TMEM42: variants seen among roughly 807,000 people sequenced by gnomAD.
TMEM42 encodes transmembrane protein 42.
Under a neutral mutation model 14.0 loss-of-function variants are expected in TMEM42, and 8 were observed. The ratio of observed to expected loss-of-function variants is 0.57; its 90% CI spans 0.34 to 1.03. TMEM42 has a LOEUF of 1.03. Ranked by LOEUF, TMEM42 falls within the 50% of genes least tolerant of loss-of-function variation. TMEM42 has a pLI of 0.03. For missense variants in TMEM42, 211 were observed against 219.8 expected (o/e 0.96, Z 0.25); for synonymous variants, 115 against 94.3 (o/e 1.22, Z -1.27).
chr3:44,865,028 T>A lies in TMEM42; in HGVS notation c.340-12T>A, dbSNP rs200958031. On this transcript the variant is annotated splice_polypyrimidine_tract_variant and intron_variant, in intron 2 of 2. Transcript: ENST00000302392. ...TGAAGTTGAGTCCCTCACAGCTATC[T>A]TTGTCTCGCAGGCCTTCCTGGGCTA... 6.2e-7 allele frequency: 1 copy of A among 1,613,922 alleles called. No individual in the cohort carries two copies. Among genetic ancestry groups the A allele is most frequent in the South Asian group, 1.1e-5 (1 of 91,082 alleles).
In TMEM42 at chr3:44,862,068, G is replaced by A; in HGVS notation, c.144G>A (p.Ala48=). The change falls in exon 1 of 3, where the codon GCG becomes GCA. Residue 48 remains alanine, a synonymous_variant. Coordinates refer to ENST00000302392, the MANE Select transcript of TMEM42 (RefSeq NM_144638.3). The part of the protein sequence containing the change: ...WGVFNCLCAG[A]FGALAAASAK... ...TATTCAACTGTCTGTGCGCCGGCGC[G>A]TTCGGGGCCCTGGCCGCCGCCTCCG... The A allele has an allele frequency of 7.6e-7, 1 of 1,314,350 alleles. No homozygotes were observed. The highest frequency in any genetic ancestry group is 2.5e-5 in the South Asian group (1 of 39,496). 81.4% of individuals were successfully genotyped at this position (1,314,350 alleles called of 1,614,324 possible).
chr3:44,863,612 T>C (rs1699288248), intron 1 of TMEM42: 1 of 152,726 alleles, frequency 6.5e-6, no homozygotes. Context: ...TGCCCCTGGC[T>C]CTTTATCTGT....
chr3:44,864,474 C>T, intron 2 of TMEM42, 131 bp downstream of exon 2: 1 of 1,096,582 alleles, frequency 9.1e-7, no homozygotes, highest in Non-Finnish European at 1.3e-6. Flanking sequence ...GTGGCTTGAC[C>T]CCTGGATGAG....
Position 44,864,289 on chromosome 3 carries a change from C to G in TMEM42, c.285C>G (p.Ser95=). The change falls in exon 2 of 3, where the codon TCC becomes TCG. Residue 95 remains serine (S), a synonymous_variant. Coordinates refer to ENST00000302392, the MANE Select transcript of TMEM42 (RefSeq NM_144638.3). ...TCTTTAGCCGGGGCCTCAGTTTCTC[C>G]ATGTCTTCAGCCATTGCATCTGTCA... The part of the protein sequence containing the change: ...WTFFSRGLSF[S]MSSAIASVTV... The G allele has an allele frequency of 6.2e-7, 1 of 1,614,214 alleles. No homozygotes were observed. The highest frequency in any genetic ancestry group is 8.5e-7 in the Non-Finnish European group (1 of 1,180,042).
In TMEM42 at chr3:44,865,101, T is replaced by C; in HGVS notation, c.401T>C (p.Phe134Ser). The change falls in exon 3 of 3, where the codon TTC becomes TCC. Residue 134 changes from phenylalanine to serine, a missense_variant. Transcript: ENST00000302392. ...CQEVLWWGGV[F>S]LILCGLTLIH... is the part of the protein sequence containing the mutation. ...GAGGTCTTGTGGTGGGGAGGAGTGT[T>C]CCTTATTCTCTGCGGACTCACCCTA... The C allele has an allele frequency of 6.2e-7, 1 of 1,614,032 alleles. No homozygotes were observed. The highest frequency in any genetic ancestry group is 1.7e-5 in the Admixed American group (1 of 59,984).
chr3:44,865,617 C>G lies in TMEM42; in HGVS notation c.*437C>G, dbSNP rs1284341271. On this transcript the variant is annotated 3_prime_UTR_variant, in exon 3 of 3. Transcript: ENST00000302392. ...TCTGTGTCATGCTTATGTATTATGGCAAGAAGAGGAAAACTGGATTAATAA... is the reference window on the plus strand; with the variant it reads ...TCTGTGTCATGCTTATGTATTATGGGAAGAAGAGGAAAACTGGATTAATAA... 6.0e-6 allele frequency: 1 copy of G among 165,980 alleles called. No individual in the cohort carries two copies. The highest frequency in any genetic ancestry group is 1.3e-5 in the Non-Finnish European group (1 of 76,030). 10.3% of individuals were successfully genotyped at this position (165,980 alleles called of 1,614,324 possible).
At chr3:44,862,822 A>G (rs1384800716) in intron 1 of TMEM42, 1 of 152,020 alleles carries the variant, frequency 6.6e-6, no homozygotes, top group East Asian at 1.9e-4. Flanking sequence ...GACAGTGGTC[A>G]CTGATTATTT....
Position 44,865,372 on chromosome 3 carries a change from G to C in TMEM42, c.*192G>C. ...CAGCTGCAGCAGTGTTCTACCGGAA[G>C]TGTTTTGATCATCTGTACAGTGCTT... On this transcript the variant is annotated 3_prime_UTR_variant, in exon 3 of 3. Coordinates refer to ENST00000302392, the MANE Select transcript of TMEM42 (RefSeq NM_144638.3). 1.4e-6 allele frequency: 1 copy of C among 723,828 alleles called. No homozygotes were observed. The highest frequency in any genetic ancestry group is 2.2e-6 in the Non-Finnish European group (1 of 445,836). 44.8% of individuals were successfully genotyped at this position (723,828 alleles called of 1,614,324 possible). A position where few individuals can be genotyped will look rare whatever the true frequency, so the allele number is the denominator to read the frequency against.
At chr3:44,864,401 CT>C in intron 2 of TMEM42, 58 bp downstream of exon 2, 6 of 1,605,348 alleles carry the variant, frequency 3.7e-6, no homozygotes, top group Non-Finnish European at 5.1e-6. Flanking sequence ...GGTGAGTTGT[CT>C]TTGGATAACC....
Position 44,862,100 on chromosome 3 carries a change from T to C in TMEM42, c.176T>C (p.Leu59Pro), listed in dbSNP as rs752556050. The part of the protein sequence containing the change: ...FGALAAASAK[L>P]AFGSEVSMGL... ...GCCCTGGCCGCCGCCTCCGCCAAGCTGGCCTTCGGCAGCGAGGTCGAGCCC... is the reference window on the plus strand; with the variant it reads ...GCCCTGGCCGCCGCCTCCGCCAAGCCGGCCTTCGGCAGCGAGGTCGAGCCC... The change falls in exon 1 of 3, where the codon CTG (leucine) becomes CCG (proline). Residue 59 changes from leucine to proline, a missense_variant. Physicochemically the swap from Leu to Pro is moderately conservative, Grantham distance 98. Coordinates refer to ENST00000302392, the MANE Select transcript of TMEM42 (RefSeq NM_144638.3). 3.8e-6 allele frequency: 4 copies of C among 1,057,388 alleles called. No individual in the cohort carries two copies. The East Asian group carries it at 3.0e-4, about 80-fold the overall frequency. 65.5% of individuals were successfully genotyped at this position (1,057,388 alleles called of 1,614,324 possible).
chr3:44,862,099 C>A lies in TMEM42; in HGVS notation c.175C>A (p.Leu59Met). The A allele has an allele frequency of 9.2e-7, 1 of 1,083,070 alleles. No individual in the cohort carries two copies. Among genetic ancestry groups the A allele is most frequent in the South Asian group, 3.2e-5 (1 of 31,424 alleles). The allele number at this position is 1,083,070 out of a possible 1,614,324, so 67.1% of individuals were successfully genotyped here. The change falls in exon 1 of 3, where the codon CTG becomes ATG. Residue 59 changes from leucine (L) to methionine (M), a missense_variant. Physicochemically the swap from Leu to Met is conservative, Grantham distance 15. Coordinates refer to ENST00000302392, the MANE Select transcript of TMEM42 (RefSeq NM_144638.3). The stretch of plus-strand genomic sequence containing the variant: ...GGCCCTGGCCGCCGCCTCCGCCAAG[C>A]TGGCCTTCGGCAGCGAGGTCGAGCC... Reference protein sequence around the residue: ...FGALAAASAKLAFGSEVSMGL... With the variant: ...FGALAAASAKMAFGSEVSMGL...
At position 44,861,942 on chromosome 3, in the gene TMEM42, G is replaced by C. The variant is rs2292181; in HGVS notation, c.18G>C (p.Gly6=). 0.049 allele frequency: 69,600 copies of C among 1,420,196 alleles called. 1,794 individuals carry two copies. The highest frequency in any genetic ancestry group is 0.081 in the Middle Eastern group (418 of 5,184). 88.0% of individuals were successfully genotyped at this position (1,420,196 alleles called of 1,614,324 possible). MAERP[G]PPGGAVSATA... ...CAGGCAACATGGCCGAGAGGCCGGGGCCTCCGGGCGGCGCCGTGTCCGCGA... is the reference window on the plus strand; with the variant it reads ...CAGGCAACATGGCCGAGAGGCCGGGCCCTCCGGGCGGCGCCGTGTCCGCGA... Residue 6 remains glycine, a synonymous_variant, in exon 1 of 3, where the codon GGG becomes GGC. Coordinates refer to ENST00000302392, the MANE Select transcript of TMEM42 (RefSeq NM_144638.3).
At chr3:44,864,976 C>T in intron 2 of TMEM42, 64 bp from the exon 3 acceptor site, 2 of 1,601,740 alleles carry the variant, frequency 1.2e-6, no homozygotes, top group Non-Finnish European at 1.7e-6. Flanking sequence ...AAGTCAGTCC[C>T]AGGAGAGTGA....
rs149054138 is a variant in TMEM42, at chr3:44,864,321, C to T, written c.317C>T (p.Thr106Ile). 101 of 1,614,046 alleles carry T rather than the reference C, an allele frequency of 6.3e-5. No homozygotes were observed. The highest frequency in any genetic ancestry group is 1.5e-4 in the Admixed American group (9 of 60,014). Residue 106 changes from threonine to isoleucine, a missense_variant, in exon 2 of 3, where the codon ACT becomes ATT. Physicochemically the swap from Thr to Ile is moderately conservative, Grantham distance 89. Transcript: ENST00000302392. Reference sequence around the variant, plus strand: ...TCAGCCATTGCATCTGTCACAGTGACTTTTTCAAATATCCTCAGCTCGGTG... The same window carrying T: ...TCAGCCATTGCATCTGTCACAGTGATTTTTTCAAATATCCTCAGCTCGGTG... Reference protein sequence around the residue: ...MSSAIASVTVTFSNILSSAFL... With the variant: ...MSSAIASVTVIFSNILSSAFL...
chr3:44,861,954 C>A lies in TMEM42; in HGVS notation c.30C>A (p.Gly10=). The change falls in exon 1 of 3, where the codon GGC becomes GGA. Residue 10 remains glycine, a synonymous_variant. Transcript: ENST00000302392. MAERPGPPG[G]AVSATAYPDT... The stretch of plus-strand genomic sequence containing the variant: ...CCGAGAGGCCGGGGCCTCCGGGCGG[C>A]GCCGTGTCCGCGACCGCGTACCCTG... 1.4e-6 allele frequency: 2 copies of A among 1,403,416 alleles called. No homozygotes were observed. Among genetic ancestry groups the A allele is most frequent in the South Asian group, 1.5e-5 (1 of 65,096 alleles). The allele number at this position is 1,403,416 out of a possible 1,614,324, so 86.9% of individuals were successfully genotyped here. A position where few individuals can be genotyped will look rare whatever the true frequency, so the allele number is the denominator to read the frequency against.
chr3:44,864,926 C>A, intron 2 of TMEM42, 114 bp from the exon 3 acceptor site: 1 of 1,407,712 alleles, frequency 7.1e-7, no homozygotes, highest in Non-Finnish European at 9.7e-7. Context: ...AAGCCCAAGG[C>A]TTCTGGCTCC....
Position 44,864,099 on chromosome 3 carries a change from G to T in TMEM42, c.193-98G>T, listed in dbSNP as rs1182403560. The T allele has an allele frequency of 8.7e-6, 13 of 1,500,642 alleles. No homozygotes were observed. In the East Asian group the frequency reaches 2.7e-4, roughly 31 times the overall value. The allele number at this position is 1,500,642 out of a possible 1,614,324, so 93.0% of individuals were successfully genotyped here. On this transcript the variant is annotated intron_variant, in intron 1 of 2. Transcript: ENST00000302392. The stretch of plus-strand genomic sequence containing the variant: ...GAGCTGTAGTGGGAGCTCAGTAGGA[G>T]CCTGGGTGCCAGCAACCACAGTCCT...
At chr3:44,864,370 T>C (rs754112954) in intron 2 of TMEM42, 27 bp downstream of exon 2, 12 of 1,613,562 alleles carry the variant, frequency 7.4e-6, no homozygotes, top group Non-Finnish European at 1.0e-5. Flanking sequence ...TGTGGTGCTC[T>C]TGTCCTAAAT....
chr3:44,862,385 C>G (rs1192355487), intron 1 of TMEM42: 3 of 155,306 alleles, frequency 1.9e-5, no homozygotes, highest in Non-Finnish European at 4.3e-5. Flanking sequence ...GGACTGAGGC[C>G]TCTTCCCTTA....
Sources: gnomAD v4.1 joint callset for allele counts on GRCh38, gnomAD v4.1.1 for gene constraint, MANE v1.5 for transcripts, NCBI Gene and HGNC (gene_info 2026-07-23, HGNC 2026-07-21) for gene names.